The following MXI1 variants were observed in gnomAD, a reference collection of about 807,000 sequenced individuals.
MXI1 encodes the protein max-interacting protein 1.
MXI1 carries 18 observed loss-of-function variants against 36.9 expected under a neutral mutation model. The observed-to-expected ratio is 0.49, with a 90% CI of 0.34 to 0.72. MXI1 has a LOEUF of 0.72. Among genes scored for constraint, MXI1 ranks in the 30% least tolerant of loss-of-function variants. The pLI is 0.01. For synonymous variants in MXI1, 160 were observed against 146.7 expected (o/e 1.09, Z -0.65); for missense variants, 304 against 379.1 (o/e 0.80, Z 1.64).
intron 2 of MXI1, among the ~76,000 whole-genome samples, chr10:110,241,600 G>A (rs1590360770): frequency 6.6e-6 from 1 of 152,036 alleles, no homozygotes; most frequent in East Asian, 1.9e-4. Context: ...CCTCACAGCT[G>A]ACTAAATGAT....
rs192824024 is a variant in MXI1 at position 110,280,173 on chromosome 10, T to C, written c.724+88T>C. 4.9e-3 allele frequency: 5,683 copies of C among 1,161,540 alleles called. 18 individuals are homozygous for C. The highest frequency in any genetic ancestry group is 6.1e-3 in the Non-Finnish European group (5,180 of 855,068). The allele number at this position is 1,161,540 out of a possible 1,614,324, so 72.0% of individuals were successfully genotyped here. A position where few individuals can be genotyped will look rare whatever the true frequency, so the allele number is the denominator to read the frequency against. On this transcript the variant is annotated intron_variant, in intron 5 of 5. Coordinates refer to ENST00000332674, the MANE Select transcript of MXI1 (RefSeq NM_130439.3). ...GTATGTTGGGAGGCACTGTATTTGC[T>C]TTCTTTCTAGCCAACAGAGTAACAT...
chr10:110,208,162 C>T, intron 1 of MXI1, 80 bp downstream of exon 1: 1 of 1,428,324 alleles, frequency 7.0e-7, no homozygotes, highest in Non-Finnish European at 9.4e-7. Context: ...GTTGCGAGCT[C>T]GGCCCGTCCC....
chr10:110,225,994 G>C (rs1854951962), intron 1 of MXI1: 1 of 983,408 alleles, frequency 1.0e-6, no homozygotes, highest in African/African-American at 1.8e-5. Context: ...GCGGGGAGAG[G>C]TAAACAAACC....
chr10:110,281,569 C>T (rs764566935), intron 5 of MXI1, among the ~76,000 whole-genome samples: 2 of 152,138 alleles, frequency 1.3e-5, no homozygotes, highest in Non-Finnish European at 2.9e-5. Flanking sequence ...TTCTACATAA[C>T]ATCTCAAAAA....
rs142144895 is a variant in MXI1, at chr10:110,260,244, C to G, written c.437+15387C>G. Among the ~76,000 whole-genome samples the G allele has an allele frequency of 4.6e-5, 7 of 152,098 alleles. No individual in the cohort carries two copies. The East Asian group carries it at 1.2e-3, about 25-fold the overall frequency. On this transcript the variant is annotated intron_variant, in intron 3 of 5. Transcript: ENST00000332674. ...GAATGTTGTATAAGTTAAACCACTT[C>G]TTGGAGTCTTGCTTTTCTTGGCTAT...
chr10:110,266,936 A>G (rs969313042), intron 3 of MXI1, among the ~76,000 whole-genome samples: 40 of 152,228 alleles, frequency 2.6e-4, no homozygotes, highest in African/African-American at 8.4e-4. Flanking sequence ...ACAGAAAAAT[A>G]TATGTTTAAT....
chr10:110,254,678 C>A (rs1408616826), intron 3 of MXI1, among the ~76,000 whole-genome samples: 1 of 152,044 alleles, frequency 6.6e-6, no homozygotes, highest in Non-Finnish European at 1.5e-5. Context: ...GTTAAACAGC[C>A]TTATGGGTGA....
intron 3 of MXI1, among the ~76,000 whole-genome samples, chr10:110,256,430 C>T (rs542186397): frequency 7.9e-5 from 12 of 151,400 alleles, no homozygotes; most frequent in African/African-American, 2.9e-4. Context: ...ATGGAGAAAC[C>T]CCATCGCTAC....
intron 3 of MXI1, among the ~76,000 whole-genome samples, chr10:110,266,823 A>T (rs1040536544): frequency 2.0e-5 from 3 of 152,242 alleles, no homozygotes; most frequent in African/African-American, 4.8e-5. Context: ...TGCCTGCTTT[A>T]GTGCATCAAC....
chr10:110,238,081 C>T (rs1169262994), intron 2 of MXI1, among the ~76,000 whole-genome samples: 4 of 152,194 alleles, frequency 2.6e-5, no homozygotes, highest in Non-Finnish European at 5.9e-5. Context: ...ATGCATTACT[C>T]TCCTGGCACA....
At chr10:110,251,288 C>G (rs951158258) in intron 3 of MXI1, among the ~76,000 whole-genome samples, 1 of 151,990 alleles carries the variant, frequency 6.6e-6, no homozygotes, top group Non-Finnish European at 1.5e-5. Context: ...AATCATGATC[C>G]TTTTTGATCA....
intron 2 of MXI1, among the ~76,000 whole-genome samples, chr10:110,235,811 C>T (rs1855445263): frequency 6.6e-6 from 1 of 151,896 alleles, no homozygotes; most frequent in East Asian, 1.9e-4. Flanking sequence ...GAGTTCTAGA[C>T]CAGCCTGACC....
intron 3 of MXI1, among the ~76,000 whole-genome samples, chr10:110,253,303 G>T (rs1468173287): frequency 6.6e-6 from 1 of 151,850 alleles, no homozygotes; most frequent in East Asian, 1.9e-4. Context: ...TTACATGGAT[G>T]TTTTGAGAGA....
At chr10:110,251,535 C>T (rs1431047189) in intron 3 of MXI1, among the ~76,000 whole-genome samples, 1 of 151,992 alleles carries the variant, frequency 6.6e-6, no homozygotes, top group African/African-American at 2.4e-5. Flanking sequence ...ATGAAACTCA[C>T]TAGTGGTCTA....
At chr10:110,209,878 A>T (rs1055398610) in intron 1 of MXI1, among the ~76,000 whole-genome samples, 4 of 151,906 alleles carry the variant, frequency 2.6e-5, no homozygotes, top group Non-Finnish European at 1.5e-5. Flanking sequence ...GGTACACCCC[A>T]TGAGGGCACG....
intron 1 of MXI1, among the ~76,000 whole-genome samples, chr10:110,222,079 A>T (rs1405162811): frequency 6.6e-6 from 1 of 152,152 alleles, no homozygotes; most frequent in East Asian, 1.9e-4. Flanking sequence ...GGCGAGGGAA[A>T]GGTTTTCTGC....
At chr10:110,214,000 C>A (rs1854568587) in intron 1 of MXI1, among the ~76,000 whole-genome samples, 1 of 152,186 alleles carries the variant, frequency 6.6e-6, no homozygotes, top group Non-Finnish European at 1.5e-5. Flanking sequence ...CTGATGGATG[C>A]AATTTTATTA....
intron 1 of MXI1, among the ~76,000 whole-genome samples, chr10:110,212,575 T>C (rs1027864035): frequency 1.3e-5 from 2 of 152,326 alleles, no homozygotes; most frequent in South Asian, 2.1e-4. Context: ...TGTTAAGTCA[T>C]TGTACTTGAG....
At chr10:110,229,694 G>A (rs796302191) in intron 2 of MXI1, among the ~76,000 whole-genome samples, 4 of 152,236 alleles carry the variant, frequency 2.6e-5, no homozygotes, top group African/African-American at 7.2e-5. Flanking sequence ...TAGAGATTTT[G>A]TTGTAGTATG....
Sources: gnomAD v4.1 joint callset for allele counts (sites outside exome capture counted in the v4.1 genomes callset) on GRCh38, gnomAD v4.1.1 for gene constraint, MANE v1.5 for transcripts, NCBI Gene and HGNC (gene_info 2026-07-23, HGNC 2026-07-21) for gene names.